The following SAMM50 variants were observed in gnomAD, a reference collection of about 807,000 sequenced individuals.
SAMM50 encodes SAMM50 sorting and assembly machinery component.
Under a neutral mutation model 66.9 loss-of-function variants are expected in SAMM50, and 47 were observed. The observed-to-expected ratio is 0.70, with a 90% CI of 0.56 to 0.90. SAMM50 has a LOEUF of 0.90. SAMM50 is among the 40% of genes least tolerant of loss of function. The probability of loss-of-function intolerance (pLI) is 0.00; values close to 1 mark genes in which losing one functional copy is unlikely to be tolerated. For missense variants in SAMM50, 535 were observed against 595.3 expected (o/e 0.90, Z 1.05); for synonymous variants, 191 against 214.1 (o/e 0.89, Z 0.94).
At chr22:43,995,463 C>G (rs553890185) in intron 14 of SAMM50, 1 of 152,356 alleles carries the variant, frequency 6.6e-6, no homozygotes, top group East Asian at 1.9e-4. Flanking sequence ...GTGTAGGAGT[C>G]TGAATATCAT....
Position 43,981,398 on chromosome 22 carries a change from C to T in SAMM50, c.944C>T (p.Ser315Leu). Residue 315 changes from serine (S) to leucine (L), a missense_variant, in exon 11 of 15, where the codon TCA becomes TTA. By Grantham distance (145) the Ser-to-Leu change is moderately radical. Transcript: ENST00000350028. ...TTGTTTCTATTTGAACAGGTTTTTTCAGCGTCTTTCTGGGGCGGAATGTTG... is the reference window on the plus strand; with the variant it reads ...TTGTTTCTATTTGAACAGGTTTTTTTAGCGTCTTTCTGGGGCGGAATGTTG... The part of the protein sequence containing the change: ...NKQLIFDSVF[S>L]ASFWGGMLVP... 1.2e-6 allele frequency: 2 copies of T among 1,613,418 alleles called. No homozygotes were observed. The highest frequency in any genetic ancestry group is 1.7e-6 in the Non-Finnish European group (2 of 1,179,442).
chr22:43,996,226 G>A (rs1384745441), intron 14 of SAMM50, 112 bp from the exon 15 acceptor site: 4 of 1,146,076 alleles, frequency 3.5e-6, no homozygotes, highest in Non-Finnish European at 5.3e-6. Flanking sequence ...GAAGGCAGCA[G>A]GAGGAGGAGG....
chr22:43,990,326 C>T lies in SAMM50; in HGVS notation c.1284C>T (p.Ala428=), dbSNP rs371023669. 1.4e-5 allele frequency: 22 copies of T among 1,613,994 alleles called. No homozygotes were observed. Among genetic ancestry groups the T allele is most frequent in the Admixed American group, 3.3e-5 (2 of 59,996 alleles). The change falls in exon 14 of 15, where the codon GCC becomes GCT. Residue 428 remains alanine (A), a synonymous_variant. Coordinates refer to ENST00000350028, the MANE Select transcript of SAMM50 (RefSeq NM_015380.5). ...LAECIRWSYG[A]GIVLRLGNIA... is the part of the protein sequence containing the mutation. ...AGTGCATCCGCTGGTCGTACGGGGCCGGGATTGTCCTCAGGCTTGGCAACA... is the reference window on the plus strand; with the variant it reads ...AGTGCATCCGCTGGTCGTACGGGGCTGGGATTGTCCTCAGGCTTGGCAACA...
At chr22:43,977,806 C>T (rs2050240562) in intron 9 of SAMM50, 66 bp from the exon 10 acceptor site, 6 of 1,091,922 alleles carry the variant, frequency 5.5e-6, no homozygotes, top group Non-Finnish European at 8.1e-6. Flanking sequence ...GATGCAAAAA[C>T]ATGATTCTGT....
intron 1 of SAMM50, among the ~76,000 whole-genome samples, chr22:43,959,543 C>CACACACACACACACA: frequency 1.3e-5 from 2 of 150,800 alleles, no homozygotes; most frequent in Non-Finnish European, 1.5e-5. Context: ...CACACACACA[C>CACACACACACACACA]TTTTTAATAG....
At chr22:43,976,583 A>G (rs1358905855) in intron 8 of SAMM50, among the ~76,000 whole-genome samples, 167 bp from the exon 9 acceptor site, 7 of 152,230 alleles carry the variant, frequency 4.6e-5, no homozygotes, top group Non-Finnish European at 1.0e-4. Context: ...GTGTCCTCCT[A>G]TGTAAGATAG....
chr22:43,961,450 A>G (rs1231788499), intron 1 of SAMM50, among the ~76,000 whole-genome samples: 2 of 152,128 alleles, frequency 1.3e-5, no homozygotes, highest in Non-Finnish European at 2.9e-5. Flanking sequence ...ATACATAAGT[A>G]TATTTATTTT....
intron 1 of SAMM50, chr22:43,957,008 A>G (rs947550157): frequency 4.8e-5 from 36 of 746,304 alleles, no homozygotes; most frequent in Non-Finnish European, 8.1e-5. Context: ...TGCCGGGAGC[A>G]GGACTTCTGA....
chr22:43,977,796 G>A, intron 9 of SAMM50, 76 bp from the exon 10 acceptor site: 1 of 1,000,982 alleles, frequency 1.0e-6, no homozygotes, highest in Non-Finnish European at 1.5e-6. Flanking sequence ...ATTAAATCCT[G>A]ATGCAAAAAC....
intron 12 of SAMM50, 22 bp downstream of exon 12, chr22:43,984,022 C>T (rs186283679): frequency 8.7e-6 from 14 of 1,602,468 alleles, no homozygotes; most frequent in East Asian, 4.5e-5. Context: ...CCCCTCACGG[C>T]GCCAAGTCTA....
chr22:43,974,681 C>T (rs1272439819), intron 7 of SAMM50: 2 of 152,348 alleles, frequency 1.3e-5, no homozygotes, highest in Admixed American at 6.5e-5. Context: ...CGGATGCCCT[C>T]TGGTGGGGCC....
intron 1 of SAMM50, among the ~76,000 whole-genome samples, chr22:43,956,102 G>A (rs901971540): frequency 3.3e-5 from 5 of 152,096 alleles, no homozygotes; most frequent in Non-Finnish European, 5.9e-5. Flanking sequence ...TTAAAGTGGA[G>A]GTAGTAATAG....
intron 12 of SAMM50, among the ~76,000 whole-genome samples, chr22:43,984,616 GTAT>G (rs2146824025): frequency 6.7e-6 from 1 of 149,184 alleles, no homozygotes; most frequent in Non-Finnish European, 1.5e-5. Flanking sequence ...CGACCCCTAT[GTAT>G]TATTATTAAT....
At chr22:43,956,628 G>A (rs2050121015) in intron 1 of SAMM50, among the ~76,000 whole-genome samples, 2 of 152,196 alleles carry the variant, frequency 1.3e-5, no homozygotes, top group Admixed American at 1.3e-4. Flanking sequence ...GGAAAAGAGA[G>A]GAAACCTCAA....
intron 3 of SAMM50, among the ~76,000 whole-genome samples, chr22:43,967,288 C>T (rs2050178390): frequency 6.6e-6 from 1 of 152,240 alleles, no homozygotes; most frequent in African/African-American, 2.4e-5. Flanking sequence ...TTCCTCATGG[C>T]ATTGCCACAG....
chr22:43,993,535 T>G (rs2050336960), intron 14 of SAMM50, among the ~76,000 whole-genome samples: 1 of 152,256 alleles, frequency 6.6e-6, no homozygotes, highest in Non-Finnish European at 1.5e-5. Flanking sequence ...GGAAGCAGCA[T>G]CCTAAGCACG....
chr22:43,968,127 C>T lies in SAMM50; in HGVS notation c.235-604C>T, dbSNP rs201638069. The stretch of plus-strand genomic sequence containing the variant: ...CTGCAATCCCAGCTACTCAGAAGGC[C>T]GAGGCAGGAGAATGGCTTGAACCTG... On this transcript the variant is annotated intron_variant, in intron 3 of 14. Coordinates refer to ENST00000350028, the MANE Select transcript of SAMM50 (RefSeq NM_015380.5). Among the ~76,000 whole-genome samples, 46 of 149,258 alleles carry T rather than the reference C, an allele frequency of 3.1e-4. No homozygotes were observed. In the South Asian group the frequency reaches 9.6e-3, roughly 31 times the overall value.
At position 43,968,773 on chromosome 22, in the gene SAMM50, C is replaced by G; in HGVS notation, c.277C>G (p.Leu93Val). The G allele has an allele frequency of 1.2e-6, 2 of 1,613,658 alleles. No individual in the cohort carries two copies. Among genetic ancestry groups the G allele is most frequent in the Non-Finnish European group, 1.7e-6 (2 of 1,179,554 alleles). Residue 93 changes from leucine to valine, a missense_variant, in exon 4 of 15, where the codon CTT becomes GTT. Physicochemically the swap from Leu to Val is conservative, Grantham distance 32 (BLOSUM62 1). Transcript: ENST00000350028. ...TGAAGCCCGTGAAAAATTGCTCCGT[C>G]TTGGAATTTTTAGACAAGTGGATGT... ...SHEAREKLLRLGIFRQVDVLI... is the reference protein window; with the variant it reads ...SHEAREKLLRVGIFRQVDVLI...
chr22:43,968,788 C>T lies in SAMM50; in HGVS notation c.292C>T (p.Gln98Ter). The change falls in exon 4 of 15, where the codon CAA (glutamine) becomes TAA (stop). Residue 98 changes from glutamine to a stop codon, truncating the protein, a stop_gained. Transcript: ENST00000350028. LOFTEE classifies it high-confidence loss of function. ...EKLLRLGIFRQVDVLIDTCQG... is the reference protein window; with the variant it reads ...EKLLRLGIFR ...ATTGCTCCGTCTTGGAATTTTTAGA[C>T]AAGTGGATGTTTTGATTGACACATG... is the stretch of plus-strand genomic sequence containing the variant. 1 of 1,612,554 alleles carries T rather than the reference C, an allele frequency of 6.2e-7. No individual in the cohort carries two copies. The highest frequency in any genetic ancestry group is 1.1e-5 in the South Asian group (1 of 91,066).
Sources: gnomAD v4.1 joint callset for allele counts (sites outside exome capture counted in the v4.1 genomes callset) on GRCh38, gnomAD v4.1.1 for gene constraint, MANE v1.5 for transcripts, NCBI Gene and HGNC (gene_info 2026-07-23, HGNC 2026-07-21) for gene names.